The following HYCC1 variants were observed in gnomAD, a reference collection of about 807,000 sequenced individuals.
HYCC1 encodes hyccin.
At chr7:22,971,622 G>A in the HYCC1 span, among the ~76,000 whole-genome samples, 1 of 145,416 alleles carries the variant, frequency 6.9e-6, no homozygotes. Context: ...GTTACAGTGA[G>A]CAGAGATTGT....
the HYCC1 span, among the ~76,000 whole-genome samples, chr7:22,950,426 T>C: frequency 0.24 from 37,121 of 151,936 alleles, 5,275 homozygotes; most frequent in Non-Finnish European, 0.32. Flanking sequence ...AGCTTGTATA[T>C]AGTAGACACT....
the HYCC1 span, among the ~76,000 whole-genome samples, chr7:22,922,735 A>C: frequency 1.3e-5 from 2 of 152,226 alleles, no homozygotes; most frequent in Non-Finnish European, 2.9e-5. Flanking sequence ...TATGTCATGC[A>C]AACAGCAAAC....
chr7:22,957,955 G>T, the HYCC1 span, among the ~76,000 whole-genome samples: 1 of 151,218 alleles, frequency 6.6e-6, no homozygotes, highest in Non-Finnish European at 1.5e-5. Flanking sequence ...ATTAACAATA[G>T]AATTTATATA....
At chr7:22,945,253 C>T in the HYCC1 span, 2 of 326,358 alleles carry the variant, frequency 6.1e-6, no homozygotes, top group South Asian at 7.0e-5. Flanking sequence ...ACAAGAAAAA[C>T]CACCTTACAA....
the HYCC1 span, among the ~76,000 whole-genome samples, chr7:22,952,736 G>C: frequency 6.6e-6 from 1 of 151,902 alleles, no homozygotes; most frequent in African/African-American, 2.4e-5. Context: ...AAGTCATAAA[G>C]AATAGCACTG....
the HYCC1 span, among the ~76,000 whole-genome samples, chr7:23,002,604 A>C: frequency 3.3e-5 from 5 of 152,280 alleles, no homozygotes; most frequent in African/African-American, 9.6e-5. Context: ...TTCTTCATTA[A>C]GCTATCCAAA....
the HYCC1 span, among the ~76,000 whole-genome samples, chr7:22,902,560 T>C: frequency 6.6e-6 from 1 of 152,058 alleles, no homozygotes; most frequent in African/African-American, 2.4e-5. Flanking sequence ...ACAAACCAGT[T>C]TGGCCTTAGC....
chr7:22,961,062 T>A, the HYCC1 span, among the ~76,000 whole-genome samples: 2,406 of 151,738 alleles, frequency 0.016, 65 homozygotes, highest in African/African-American at 0.055. Context: ...AAAGAAAATT[T>A]AAAAAAAAAT....
chr7:22,926,194 G>A, the HYCC1 span, among the ~76,000 whole-genome samples: 3 of 152,030 alleles, frequency 2.0e-5, no homozygotes, highest in Admixed American at 2.0e-4. Context: ...ACTAAACATG[G>A]AAAGGAACAA....
At chr7:22,928,055 C>A in the HYCC1 span, among the ~76,000 whole-genome samples, 3 of 152,124 alleles carry the variant, frequency 2.0e-5, no homozygotes, top group Non-Finnish European at 2.9e-5. Context: ...AAACGTAATC[C>A]AGCATATAAA....
chr7:22,934,209 T>TTTTTC, the HYCC1 span: 1 of 30,744 alleles, frequency 3.3e-5, no homozygotes, highest in African/African-American at 8.9e-5. Context: ...TTTTTTTCTT[T>TTTTTC]TTTTTTTTTT....
the HYCC1 span, among the ~76,000 whole-genome samples, chr7:22,993,424 A>G: frequency 6.6e-6 from 1 of 152,178 alleles, no homozygotes; most frequent in Non-Finnish European, 1.5e-5. Context: ...AAGAATTTCT[A>G]CTCACCAAAA....
chr7:22,901,597 G>A, the HYCC1 span, among the ~76,000 whole-genome samples: 3 of 151,850 alleles, frequency 2.0e-5, no homozygotes, highest in African/African-American at 7.3e-5. Flanking sequence ...GATGGTATTT[G>A]GAAAAATAAG....
At chr7:22,915,823 A>T in the HYCC1 span, among the ~76,000 whole-genome samples, 7 of 152,052 alleles carry the variant, frequency 4.6e-5, no homozygotes, top group Admixed American at 4.6e-4. Flanking sequence ...ACATTCTTTT[A>T]TGGGCTTCTT....
chr7:22,942,737 AAG>A, the HYCC1 span: 1 of 152,194 alleles, frequency 6.6e-6, no homozygotes, highest in Admixed American at 6.6e-5. Flanking sequence ...GCATCTTTAT[AAG>A]AAAGTGACCT....
At chr7:22,917,893 A>G in the HYCC1 span, among the ~76,000 whole-genome samples, 3 of 152,062 alleles carry the variant, frequency 2.0e-5, no homozygotes. Context: ...TCCCATTCTT[A>G]TGCCATCCTC....
the HYCC1 span, among the ~76,000 whole-genome samples, chr7:22,992,845 C>G: frequency 1.8e-4 from 27 of 152,022 alleles, no homozygotes; most frequent in African/African-American, 6.3e-4. Flanking sequence ...AAATAACTCT[C>G]CAGTTAAAAT....
At chr7:22,912,733 C>G in the HYCC1 span, among the ~76,000 whole-genome samples, 1 of 152,196 alleles carries the variant, frequency 6.6e-6, no homozygotes, top group Non-Finnish European at 1.5e-5. Context: ...TGGGAAAGTT[C>G]AAGCCTAAGG....
At chr7:22,978,686 T>G in the HYCC1 span, among the ~76,000 whole-genome samples, 1 of 152,188 alleles carries the variant, frequency 6.6e-6, no homozygotes, top group Non-Finnish European at 1.5e-5. Context: ...GGGTAGTTAC[T>G]GTCCTATCTC....
Sources: allele counts gnomAD v4.1 joint callset (sites outside exome capture counted in the v4.1 genomes callset), GRCh38; gene constraint gnomAD v4.1.1; transcripts MANE v1.5; gene names NCBI Gene and HGNC (gene_info 2026-07-23, HGNC 2026-07-21).